The following DAB1 variants were observed in gnomAD, a reference collection of about 807,000 sequenced individuals.
DAB1 encodes the protein disabled homolog 1.
DAB1 carries 15 observed loss-of-function variants against 64.6 expected under a neutral mutation model. The ratio of observed to expected loss-of-function variants is 0.23; its 90% CI spans 0.16 to 0.36. The LOEUF (loss-of-function observed/expected upper bound fraction) is 0.36, where lower values mean the gene tolerates loss of function less well. Among genes scored for constraint, DAB1 ranks in the 10% least tolerant of loss-of-function variants. The probability of loss-of-function intolerance (pLI) is 1.00; values close to 1 mark genes in which losing one functional copy is unlikely to be tolerated. For synonymous variants in DAB1, 235 were observed against 251.9 expected, an observed-to-expected ratio of 0.93 and a Z score of 0.64; for missense variants, 596 against 706.7, an observed-to-expected ratio of 0.84 and a Z score of 1.78.
At chr1:58,462,019 ACTGAGG>A (rs935910500) in intron 3 of DAB1, among the ~76,000 whole-genome samples, 54 of 152,098 alleles carry the variant, frequency 3.6e-4, no homozygotes, top group African/African-American at 1.3e-3. Context: ...AGGCAAACAA[ACTGAGG>A]CTGACAGGGG....
chr1:57,575,583 T>C (rs1350293491), intron 7 of DAB1, among the ~76,000 whole-genome samples: 1 of 152,184 alleles, frequency 6.6e-6, no homozygotes, highest in Middle Eastern at 3.2e-3. Flanking sequence ...ATGAAAATGA[T>C]AAGACAGTGA....
chr1:57,132,737 A>C (rs1173602668), intron 4 of DAB1, among the ~76,000 whole-genome samples: 4 of 152,172 alleles, frequency 2.6e-5, no homozygotes, highest in African/African-American at 9.6e-5. Flanking sequence ...TATGGGTTAT[A>C]CTGTCAACAT....
chr1:57,883,070 A>G (rs1280346554), intron 1 of DAB1, among the ~76,000 whole-genome samples: 10 of 152,176 alleles, frequency 6.6e-5, no homozygotes, highest in Non-Finnish European at 1.3e-4. Context: ...AACTCCAAAT[A>G]AAACGCTTGC....
At chr1:57,962,836 C>T (rs1193257222) in intron 5 of DAB1, among the ~76,000 whole-genome samples, 1 of 151,260 alleles carries the variant, frequency 6.6e-6, no homozygotes, top group African/African-American at 2.4e-5. Flanking sequence ...TTATGTACCA[C>T]TGCATTCCAG....
At chr1:57,506,102 T>C (rs1644340006) in intron 7 of DAB1, among the ~76,000 whole-genome samples, 1 of 152,332 alleles carries the variant, frequency 6.6e-6, no homozygotes, top group East Asian at 1.9e-4. Context: ...AACTTATACT[T>C]AGGGGAAGCC....
chr1:57,962,546 C>T (rs1645549788), intron 5 of DAB1, among the ~76,000 whole-genome samples: 1 of 152,120 alleles, frequency 6.6e-6, no homozygotes, highest in Non-Finnish European at 1.5e-5. Flanking sequence ...TTGGTTCAGG[C>T]TCCCCAAGAA....
chr1:58,429,490 A>G (rs772003160), intron 3 of DAB1, among the ~76,000 whole-genome samples: 60 of 152,238 alleles, frequency 3.9e-4, no homozygotes, highest in Non-Finnish European at 7.6e-4. Context: ...GGAAGGCAAC[A>G]GAGGAAGGCC....
intron 2 of DAB1, among the ~76,000 whole-genome samples, chr1:57,148,469 G>A (rs1333052666): frequency 6.6e-6 from 1 of 152,162 alleles, no homozygotes; most frequent in Non-Finnish European, 1.5e-5. Context: ...TATTAGTTAA[G>A]AAATAAATAA....
intron 7 of DAB1, among the ~76,000 whole-genome samples, chr1:57,540,620 A>C (rs189315699): frequency 3.9e-4 from 60 of 152,368 alleles, no homozygotes; most frequent in Admixed American, 1.4e-3. Flanking sequence ...TGGCCATAAA[A>C]AAAGAATAAA....
chr1:57,549,565 G>A (rs996965811), intron 7 of DAB1, among the ~76,000 whole-genome samples: 14 of 152,226 alleles, frequency 9.2e-5, no homozygotes, highest in African/African-American at 2.2e-4. Context: ...CAGGCAGGCC[G>A]AGTCCATCAA....
intron 4 of DAB1, among the ~76,000 whole-genome samples, chr1:57,135,389 G>A (rs1214262214): frequency 6.6e-6 from 1 of 152,098 alleles, no homozygotes; most frequent in Non-Finnish European, 1.5e-5. Flanking sequence ...AATTCACTCA[G>A]CATAATGTCT....
chr1:57,228,602 G>A (rs1386108431), intron 2 of DAB1, among the ~76,000 whole-genome samples: 1 of 152,098 alleles, frequency 6.6e-6, no homozygotes, highest in African/African-American at 2.4e-5. Flanking sequence ...TTTACATGGA[G>A]CGTAGGAAAC....
chr1:57,599,920 T>G (rs551678158), intron 7 of DAB1, among the ~76,000 whole-genome samples: 26 of 152,304 alleles, frequency 1.7e-4, no homozygotes, highest in Middle Eastern at 3.4e-3. Flanking sequence ...CTGTTCTGTC[T>G]TCACTTTGGA....
chr1:57,506,476 C>A (rs1644344830), intron 7 of DAB1, among the ~76,000 whole-genome samples: 1 of 152,180 alleles, frequency 6.6e-6, no homozygotes, highest in Admixed American at 6.5e-5. Context: ...ACATGCAACC[C>A]AAGATTTTGT....
intron 5 of DAB1, among the ~76,000 whole-genome samples, chr1:57,943,523 A>G (rs1291091614): frequency 2.0e-5 from 3 of 152,150 alleles, no homozygotes; most frequent in African/African-American, 7.2e-5. Context: ...CAGCATGATA[A>G]ATTGGCCCGC....
intron 1 of DAB1, among the ~76,000 whole-genome samples, chr1:58,528,997 A>T (rs1037682225): frequency 5.9e-5 from 9 of 151,892 alleles, no homozygotes; most frequent in East Asian, 3.8e-4. Context: ...ATTCCATTAT[A>T]AAAAAAAGCA....
intron 14 of DAB1, among the ~76,000 whole-genome samples, chr1:56,999,412 C>CAG (rs981712096): frequency 7.2e-5 from 11 of 151,950 alleles, no homozygotes; most frequent in South Asian, 2.1e-4. Flanking sequence ...GAGGGAGAGA[C>CAG]AGAGAGAGAG....
At chr1:57,443,443 T>G (rs1157601813) in intron 7 of DAB1, among the ~76,000 whole-genome samples, 1 of 152,324 alleles carries the variant, frequency 6.6e-6, no homozygotes, top group Non-Finnish European at 1.5e-5. Flanking sequence ...TTCATATCTC[T>G]GGATGTTTTT....
chr1:57,478,583 A>G (rs1242874771), intron 7 of DAB1, among the ~76,000 whole-genome samples: 3 of 113,362 alleles, frequency 2.6e-5, no homozygotes, highest in African/African-American at 9.9e-5. Flanking sequence ...CAATATTCCC[A>G]TTCTTTTTTT....
Sources: gnomAD v4.1 joint callset for allele counts (sites outside exome capture counted in the v4.1 genomes callset) on GRCh38, gnomAD v4.1.1 for gene constraint, MANE v1.5 for transcripts, NCBI Gene and HGNC (gene_info 2026-07-23, HGNC 2026-07-21) for gene names.